Variants in SPAG16 observed in about 807,000 individuals in gnomAD.
SPAG16 encodes the protein sperm associated antigen 16, also known as sperm-associated antigen 16 protein.
In SPAG16, 86 loss-of-function variants were observed where a neutral mutation model predicts 80.4. The observed-to-expected ratio is 1.07, with a 90% CI of 0.90 to 1.28. The LOEUF (loss-of-function observed/expected upper bound fraction) is 1.28. SPAG16 is among the 50% of genes most tolerant of loss of function. The probability of loss-of-function intolerance (pLI) is 0.00; values close to 1 mark genes in which losing one functional copy is unlikely to be tolerated. For synonymous variants in SPAG16, 294 were observed against 265.9 expected (o/e 1.11, Z -1.03); for missense variants, 870 against 765.3 (o/e 1.14, Z -1.61).
At chr2:214,053,271 T>G (rs2049756194) in intron 13 of SPAG16, among the ~76,000 whole-genome samples, 1 of 152,176 alleles carries the variant, frequency 6.6e-6, no homozygotes, top group Admixed American at 6.6e-5. Context: ...GAGGAGAAAT[T>G]TGGAATCTAT....
intron 13 of SPAG16, among the ~76,000 whole-genome samples, chr2:214,053,180 G>T (rs1007142803): frequency 6.6e-6 from 1 of 152,134 alleles, no homozygotes; most frequent in South Asian, 2.1e-4. Flanking sequence ...CATAAAATAC[G>T]GATGACAGCT....
chr2:213,876,255 T>C (rs1338684263), intron 11 of SPAG16, among the ~76,000 whole-genome samples: 1 of 148,832 alleles, frequency 6.7e-6, no homozygotes, highest in Non-Finnish European at 1.5e-5. Flanking sequence ...GATAGCTAAT[T>C]GGCTAATACA....
chr2:214,038,805 T>C (rs981153119), intron 13 of SPAG16, among the ~76,000 whole-genome samples: 1 of 152,024 alleles, frequency 6.6e-6, no homozygotes, highest in Non-Finnish European at 1.5e-5. Context: ...TGGTTTTTTG[T>C]CCTTGTGATA....
chr2:213,376,989 T>C (rs1006283650), intron 9 of SPAG16, among the ~76,000 whole-genome samples: 1 of 152,188 alleles, frequency 6.6e-6, no homozygotes, highest in African/African-American at 2.4e-5. Flanking sequence ...TGTATTCTCA[T>C]ATTTTCCTTC....
intron 15 of SPAG16, among the ~76,000 whole-genome samples, chr2:214,255,250 T>C (rs1690595358): frequency 6.6e-6 from 1 of 152,034 alleles, no homozygotes; most frequent in African/African-American, 2.4e-5. Context: ...ACTGGGTCTT[T>C]CCTTCAGGGA....
At chr2:213,902,841 T>C (rs1338156476) in intron 11 of SPAG16, among the ~76,000 whole-genome samples, 1 of 152,148 alleles carries the variant, frequency 6.6e-6, no homozygotes, top group African/African-American at 2.4e-5. Flanking sequence ...ACTTCTTAGA[T>C]ACAGTGGGGG....
intron 8 of SPAG16, among the ~76,000 whole-genome samples, chr2:213,371,864 C>T (rs966261427): frequency 6.6e-6 from 1 of 151,994 alleles, no homozygotes; most frequent in African/African-American, 2.4e-5. Context: ...AGAATCACCC[C>T]GTAATTGCTG....
At chr2:213,894,646 G>A (rs781733369) in intron 11 of SPAG16, among the ~76,000 whole-genome samples, 11 of 152,024 alleles carry the variant, frequency 7.2e-5, no homozygotes, top group Non-Finnish European at 1.6e-4. Flanking sequence ...AATTGGAATG[G>A]AATAAGTCAA....
chr2:213,851,545 A>G (rs2074908500), intron 10 of SPAG16, among the ~76,000 whole-genome samples: 1 of 152,184 alleles, frequency 6.6e-6, no homozygotes, highest in Non-Finnish European at 1.5e-5. Flanking sequence ...TGAATGTTAC[A>G]ATGTTCTATA....
chr2:213,539,908 C>T (rs868328265), intron 10 of SPAG16, among the ~76,000 whole-genome samples: 1 of 151,872 alleles, frequency 6.6e-6, no homozygotes, highest in Non-Finnish European at 1.5e-5. Context: ...TTGTACACCA[C>T]TATTTTAATG....
Position 213,367,150 on chromosome 2 carries a change from G to T in SPAG16, c.832+3005G>T, listed in dbSNP as rs184490232. On this transcript the variant is annotated intron_variant, in intron 8 of 15. Transcript: ENST00000331683. Reference sequence around the variant, plus strand: ...TTTTATGGTTGCATAGTATTCCATGGTGTATATGTCCCACATTTTCTTAAT... The same window carrying T: ...TTTTATGGTTGCATAGTATTCCATGTTGTATATGTCCCACATTTTCTTAAT... 3.2e-3 allele frequency among the ~76,000 whole-genome samples: 488 copies of T among 152,252 alleles called. 2 individuals carry two copies. The highest frequency in any genetic ancestry group is 0.011 in the African/African-American group (463 of 41,530).
chr2:214,396,942 G>A (rs1027196465), intron 15 of SPAG16, among the ~76,000 whole-genome samples: 1 of 151,398 alleles, frequency 6.6e-6, no homozygotes, highest in Non-Finnish European at 1.5e-5. Context: ...TAAAAATACT[G>A]GGATTTACTA....
chr2:213,942,364 C>T (rs1321777332), intron 12 of SPAG16, among the ~76,000 whole-genome samples: 2 of 152,172 alleles, frequency 1.3e-5, no homozygotes, highest in Admixed American at 1.3e-4. Flanking sequence ...CCTTCCTCCT[C>T]CATATTCAAA....
intron 11 of SPAG16, among the ~76,000 whole-genome samples, chr2:213,895,269 A>G (rs138023053): frequency 6.6e-6 from 1 of 152,284 alleles, no homozygotes; most frequent in East Asian, 1.9e-4. Flanking sequence ...GAAATCAAAG[A>G]GGACAGAAAC....
intron 10 of SPAG16, among the ~76,000 whole-genome samples, chr2:213,825,931 T>C (rs2073266089): frequency 6.6e-6 from 1 of 151,864 alleles, no homozygotes; most frequent in African/African-American, 2.4e-5. Context: ...TTTGACCTCA[T>C]TACTTACTAT....
At chr2:214,366,080 G>A (rs966442820) in intron 15 of SPAG16, among the ~76,000 whole-genome samples, 1 of 151,196 alleles carries the variant, frequency 6.6e-6, no homozygotes, top group Non-Finnish European at 1.5e-5. Context: ...CCAAATTCAA[G>A]TGATTCTTCT....
At chr2:213,733,933 T>A (rs1162492698) in intron 10 of SPAG16, among the ~76,000 whole-genome samples, 1 of 152,206 alleles carries the variant, frequency 6.6e-6, no homozygotes, top group African/African-American at 2.4e-5. Context: ...TTATAGCCAC[T>A]TTTATATTCC....
chr2:214,101,356 C>G (rs13424177), intron 13 of SPAG16, among the ~76,000 whole-genome samples: 49,391 of 151,846 alleles, frequency 0.33, 8,302 homozygotes, highest in African/African-American at 0.35. Flanking sequence ...GGGTGTGGGG[C>G]ATTCCTGCTG....
At chr2:214,084,231 C>G (rs904079462) in intron 13 of SPAG16, among the ~76,000 whole-genome samples, 1 of 152,162 alleles carries the variant, frequency 6.6e-6, no homozygotes, top group African/African-American at 2.4e-5. Flanking sequence ...ATCAAGTCCT[C>G]TCATTTGTTT....
Sources: allele counts gnomAD v4.1 joint callset (sites outside exome capture counted in the v4.1 genomes callset), GRCh38; gene constraint gnomAD v4.1.1; transcripts MANE v1.5; gene names NCBI Gene and HGNC (gene_info 2026-07-23, HGNC 2026-07-21).